Variants in RIN2 observed in about 807,000 individuals in gnomAD.
The protein encoded by RIN2 is Ras and Rab interactor 2, also known as RAB5 interacting protein 2.
Under a neutral mutation model 78.0 loss-of-function variants are expected in RIN2, and 36 were observed. That is an observed-to-expected ratio of 0.46 (90% CI 0.35 to 0.61). The LOEUF (loss-of-function observed/expected upper bound fraction) is 0.61. Ranked by LOEUF, RIN2 falls within the 20% of genes least tolerant of loss-of-function variation. The probability of loss-of-function intolerance (pLI) is 0.00; values close to 1 mark genes in which losing one functional copy is unlikely to be tolerated. For synonymous variants in RIN2, 466 were observed against 466.8 expected, an observed-to-expected ratio of 1.00 and a Z score of 0.02; for missense variants, 1,087 against 1,159.7, an observed-to-expected ratio of 0.94 and a Z score of 0.91.
chr20:19,869,669 A>G (rs1175206147), intron 2 of RIN2, among the ~76,000 whole-genome samples: 1 of 150,418 alleles, frequency 6.6e-6, no homozygotes, highest in African/African-American at 2.4e-5. Flanking sequence ...TCTGGGGCCC[A>G]AGCTGGAGTG....
At chr20:19,774,930 G>A (rs2034260846) in intron 1 of RIN2, among the ~76,000 whole-genome samples, 1 of 152,236 alleles carries the variant, frequency 6.6e-6, no homozygotes, top group Non-Finnish European at 1.5e-5. Context: ...CAGCAAAGCT[G>A]TGGTGAATTA....
At chr20:19,961,279 TC>T (rs1232304649) in intron 6 of RIN2, among the ~76,000 whole-genome samples, 1 of 152,190 alleles carries the variant, frequency 6.6e-6, no homozygotes, top group Non-Finnish European at 1.5e-5. Context: ...TGTTCAGTCT[TC>T]TATGAAATGC....
chr20:19,872,078 C>A (rs748261808), intron 2 of RIN2: 1 of 151,994 alleles, frequency 6.6e-6, no homozygotes, highest in Non-Finnish European at 1.5e-5. Flanking sequence ...GGGGCAGTTT[C>A]CCCCATGCCT....
chr20:19,770,780 G>GT (rs1276936173), intron 1 of RIN2, among the ~76,000 whole-genome samples: 1 of 152,026 alleles, frequency 6.6e-6, no homozygotes, highest in Non-Finnish European at 1.5e-5. Flanking sequence ...AATGTGTGGG[G>GT]TTTTTCCCCA....
At chr20:19,832,829 C>T (rs567544041) in intron 2 of RIN2, among the ~76,000 whole-genome samples, 3 of 152,180 alleles carry the variant, frequency 2.0e-5, no homozygotes, top group African/African-American at 7.2e-5. Flanking sequence ...CTCCTCAAGC[C>T]CTTTGGTAAG....
chr20:19,979,809 G>A (rs1466059874), intron 9 of RIN2, among the ~76,000 whole-genome samples: 4 of 151,908 alleles, frequency 2.6e-5, no homozygotes, highest in Non-Finnish European at 2.9e-5. Flanking sequence ...TAAGGAGGCC[G>A]AGGTGGGTGG....
chr20:19,864,655 C>T lies in RIN2; in HGVS notation c.-36-24911C>T, dbSNP rs192864016. ...TGGGGTTAAAGACTTATTAGGAAGG[C>T]ATCAGCAGGTGGGTAAAGCTAGTTC... On this transcript the variant is annotated intron_variant, in intron 2 of 12. Coordinates refer to ENST00000255006, the MANE Select transcript of RIN2 (RefSeq NM_018993.4). Among the ~76,000 whole-genome samples the T allele has an allele frequency of 2.0e-4, 31 of 152,302 alleles. No individual in the cohort carries two copies. In the East Asian group the frequency reaches 5.4e-3, roughly 27 times the overall value.
rs556636071 is a variant in RIN2, at chr20:19,932,266, C to T, written c.58-2833C>T. ...CTCTCCCTGTCTCCACTCACTTCTG[C>T]CTTCCGCCACGGGATGACTCTTACC... is the stretch of plus-strand genomic sequence containing the variant. On this transcript the variant is annotated intron_variant, in intron 3 of 12. Transcript: ENST00000255006. Among the ~76,000 whole-genome samples, 4 of 152,298 alleles carry T rather than the reference C, an allele frequency of 2.6e-5. No individual in the cohort carries two copies. In the South Asian group the frequency reaches 8.3e-4, roughly 32 times the overall value.
At chr20:19,909,195 G>T (rs2039355461) in intron 3 of RIN2, among the ~76,000 whole-genome samples, 1 of 152,006 alleles carries the variant, frequency 6.6e-6, no homozygotes, top group Non-Finnish European at 1.5e-5. Context: ...AACCCACTGA[G>T]GCCCATAAAA....
In RIN2 at chr20:20,001,004, A is replaced by G. The variant is rs1950758707; in HGVS notation, c.*68A>G. The G allele has an allele frequency of 2.1e-6, 3 of 1,420,000 alleles. No individual in the cohort carries two copies. Among genetic ancestry groups the G allele is most frequent in the Non-Finnish European group, 2.9e-6 (3 of 1,046,236 alleles). 88.0% of individuals were successfully genotyped at this position (1,420,000 alleles called of 1,614,324 possible). On this transcript the variant is annotated 3_prime_UTR_variant, in exon 13 of 13. Transcript: ENST00000255006. The stretch of plus-strand genomic sequence containing the variant: ...GGAAGCCTTGCCTTCCCGCTTCTAC[A>G]TGCTTGAGCTTGAAAAGCAGTCACC...
intron 2 of RIN2, among the ~76,000 whole-genome samples, chr20:19,879,548 C>T (rs1312705671): frequency 6.6e-6 from 1 of 152,196 alleles, no homozygotes; most frequent in Non-Finnish European, 1.5e-5. Context: ...GGCCCACTTC[C>T]TAAGAGAAAG....
At chr20:19,764,235 C>T (rs2033770248) in intron 1 of RIN2, among the ~76,000 whole-genome samples, 1 of 152,102 alleles carries the variant, frequency 6.6e-6, no homozygotes, top group South Asian at 2.1e-4. Context: ...CCGATTTTTC[C>T]CAAATACTGA....
At position 19,995,278 on chromosome 20, in the gene RIN2, AC is replaced by A. The variant is rs869185328; in HGVS notation, c.2201-1400del. ...TTTTTTTTTAAAAAAAAAAAAAAAAACAAAACACATTCATAAACTTCTGGAG... is the reference window on the plus strand; with the variant it reads ...TTTTTTTTTAAAAAAAAAAAAAAAAAAAAACACATTCATAAACTTCTGGAG... On this transcript the variant is annotated intron_variant, in intron 11 of 12. Coordinates refer to ENST00000255006, the MANE Select transcript of RIN2 (RefSeq NM_018993.4). Among the ~76,000 whole-genome samples the A allele has an allele frequency of 1.7e-4, 26 of 151,042 alleles. No individual in the cohort carries two copies. In the South Asian group the frequency reaches 3.8e-3, roughly 22 times the overall value.
At chr20:19,914,532 G>A (rs772006576) in intron 3 of RIN2, among the ~76,000 whole-genome samples, 4 of 152,110 alleles carry the variant, frequency 2.6e-5, no homozygotes, top group South Asian at 2.1e-4. Context: ...TTAGTGAATC[G>A]ATGTGTTAAT....
chr20:19,823,174 G>A (rs1035363496), intron 2 of RIN2, among the ~76,000 whole-genome samples: 2 of 152,090 alleles, frequency 1.3e-5, no homozygotes, highest in African/African-American at 2.4e-5. Context: ...TTTAATAGTC[G>A]TAGAGCCATA....
chr20:19,851,039 AAGGAAGGAAGG>A (rs1555833625), intron 2 of RIN2, among the ~76,000 whole-genome samples: 2 of 96,354 alleles, frequency 2.1e-5, no homozygotes, highest in Admixed American at 1.9e-4. Flanking sequence ...GGAAGGAAGG[AAGGAAGGAAGG>A]AGAAAGAAAG....
intron 7 of RIN2, among the ~76,000 whole-genome samples, chr20:19,968,867 C>T (rs1184214307): frequency 6.6e-6 from 1 of 152,154 alleles, no homozygotes; most frequent in Non-Finnish European, 1.5e-5. Flanking sequence ...ATCAGGGTTG[C>T]CGCCCTGCCA....
At chr20:19,987,074 G>A (rs1638777149) in intron 9 of RIN2, among the ~76,000 whole-genome samples, 1 of 152,220 alleles carries the variant, frequency 6.6e-6, no homozygotes, top group Non-Finnish European at 1.5e-5. Context: ...CTTTCACACA[G>A]CCTTGCGTTC....
At chr20:19,836,692 G>A (rs1024530646) in intron 2 of RIN2, among the ~76,000 whole-genome samples, 1 of 151,992 alleles carries the variant, frequency 6.6e-6, no homozygotes, top group African/African-American at 2.4e-5. Flanking sequence ...ATTGAATTAT[G>A]TAATTCTCAT....
Sources: gnomAD v4.1 joint callset for allele counts (sites outside exome capture counted in the v4.1 genomes callset) on GRCh38, gnomAD v4.1.1 for gene constraint, MANE v1.5 for transcripts, NCBI Gene and HGNC (gene_info 2026-07-23, HGNC 2026-07-21) for gene names.